DLGAP2: variants seen among roughly 807,000 people sequenced by gnomAD.
DLGAP2 encodes the protein DLG associated protein 2.
A neutral mutation model predicts 100.3 loss-of-function variants in DLGAP2; 26 were observed. That is an observed-to-expected ratio of 0.26 (90% CI 0.19 to 0.36). The LOEUF (loss-of-function observed/expected upper bound fraction) is 0.36, where lower values mean the gene tolerates loss of function less well. Ranked by LOEUF, DLGAP2 falls within the 10% of genes least tolerant of loss-of-function variation. The pLI, the probability that DLGAP2 is intolerant of heterozygous loss-of-function variation, is 1.00. For missense variants in DLGAP2, 1,858 were observed against 1,453.2 expected (o/e 1.28, Z -4.53); for synonymous variants, 886 against 630.1 (o/e 1.41, Z -6.08).
At chr8:1,173,831 TC>T (rs1797187542) in intron 2 of DLGAP2, among the ~76,000 whole-genome samples, 1 of 152,208 alleles carries the variant, frequency 6.6e-6, no homozygotes, top group African/African-American at 2.4e-5. Flanking sequence ...CCATTGCGCT[TC>T]CTGAGTGAGG....
chr8:1,047,743 C>T (rs1802555392), intron 2 of DLGAP2, among the ~76,000 whole-genome samples: 1 of 152,056 alleles, frequency 6.6e-6, no homozygotes, highest in Admixed American at 6.6e-5. Flanking sequence ...TACTCTCATT[C>T]ATGAGGGATC....
chr8:1,439,496 C>G (rs1005252396), intron 3 of DLGAP2, among the ~76,000 whole-genome samples: 9 of 152,172 alleles, frequency 5.9e-5, no homozygotes, highest in Admixed American at 1.3e-4. Context: ...AGGGCTCAGC[C>G]CTGTCATCAG....
intron 4 of DLGAP2, among the ~76,000 whole-genome samples, chr8:1,515,470 A>G (rs1800337488): frequency 6.6e-6 from 1 of 152,106 alleles, no homozygotes; most frequent in Non-Finnish European, 1.5e-5. Context: ...ACAATTGTAG[A>G]CATGCAAAAA....
intron 3 of DLGAP2, among the ~76,000 whole-genome samples, chr8:1,472,046 A>G (rs1236272087): frequency 6.6e-6 from 1 of 152,254 alleles, no homozygotes; most frequent in South Asian, 2.1e-4. Context: ...AGCACCAACA[A>G]GCCCTGGTCT....
chr8:1,515,983 C>A (rs527922764), intron 4 of DLGAP2, among the ~76,000 whole-genome samples: 1 of 151,594 alleles, frequency 6.6e-6, no homozygotes, highest in African/African-American at 2.4e-5. Context: ...GGATGAGTGA[C>A]TGAGTTACTG....
Position 1,565,902 on chromosome 8 carries a change from A to G in DLGAP2, c.1442+8A>G. 2 of 1,586,340 alleles carry G rather than the reference A, an allele frequency of 1.3e-6. No individual in the cohort carries two copies. The highest frequency in any genetic ancestry group is 1.8e-5 in the Admixed American group (1 of 56,296). ...GCTTGGAGAGCACCAGACGTAAGTG[A>G]GACCAGCTGCCTTCCCACTCCAAGC... On this transcript the variant is annotated splice_region_variant and intron_variant, in intron 6 of 14. Coordinates refer to ENST00000637795, the MANE Select transcript of DLGAP2 (RefSeq NM_001346810.2).
chr8:766,362 G>A (rs1231419263), intron 1 of DLGAP2, among the ~76,000 whole-genome samples: 1 of 152,214 alleles, frequency 6.6e-6, no homozygotes, highest in Non-Finnish European at 1.5e-5. Flanking sequence ...CCTCGTGTGT[G>A]TTCAAGTCAC....
chr8:949,664 A>C (rs1034662161), intron 2 of DLGAP2, among the ~76,000 whole-genome samples: 2 of 152,114 alleles, frequency 1.3e-5, no homozygotes, highest in South Asian at 4.1e-4. Context: ...TCTTTCTCCT[A>C]CATGTCCTCG....
At chr8:903,517 C>T (rs557425536) in intron 1 of DLGAP2, among the ~76,000 whole-genome samples, 23 of 152,210 alleles carry the variant, frequency 1.5e-4, no homozygotes, top group Admixed American at 1.1e-3. Flanking sequence ...CAGAATACAG[C>T]AGCTGCCAGT....
chr8:962,552 C>A (rs1799750924), intron 2 of DLGAP2, among the ~76,000 whole-genome samples: 1 of 152,130 alleles, frequency 6.6e-6, no homozygotes, highest in Non-Finnish European at 1.5e-5. Flanking sequence ...CCTGGCCTGA[C>A]CTGTGCTCCC....
intron 3 of DLGAP2, among the ~76,000 whole-genome samples, chr8:1,364,710 G>A (rs192383470): frequency 1.4e-4 from 21 of 152,350 alleles, no homozygotes; most frequent in Admixed American, 3.3e-4. Flanking sequence ...TAAAGCTTGC[G>A]TGGGGGAGAC....
chr8:1,340,001 G>T (rs751816483), intron 3 of DLGAP2, among the ~76,000 whole-genome samples: 1 of 152,150 alleles, frequency 6.6e-6, no homozygotes, highest in African/African-American at 2.4e-5. Context: ...GTTTAGAAAG[G>T]GTTCCTTATT....
chr8:800,955 C>CG (rs879266535), intron 1 of DLGAP2, among the ~76,000 whole-genome samples: 2 of 152,030 alleles, frequency 1.3e-5, no homozygotes, highest in Non-Finnish European at 2.9e-5. Flanking sequence ...TGTGCCCCCC[C>CG]ACCCTTCCTG....
chr8:751,994 C>G (rs1820803182), intron 1 of DLGAP2, among the ~76,000 whole-genome samples: 1 of 151,994 alleles, frequency 6.6e-6, no homozygotes, highest in Non-Finnish European at 1.5e-5. Context: ...CATTTTTTTT[C>G]TCCTTAAAGA....
At chr8:1,108,401 GTGAT>G (rs2129045220) in intron 2 of DLGAP2, among the ~76,000 whole-genome samples, 1 of 152,370 alleles carries the variant, frequency 6.6e-6, no homozygotes, top group East Asian at 1.9e-4. Context: ...AGGGCGGCCT[GTGAT>G]TGAAGCCGTC....
chr8:1,308,035 C>G (rs776096588), intron 3 of DLGAP2, among the ~76,000 whole-genome samples: 9 of 152,012 alleles, frequency 5.9e-5, no homozygotes, highest in Non-Finnish European at 1.0e-4. Flanking sequence ...CAAAAAGAAC[C>G]CATGTACATG....
intron 2 of DLGAP2, among the ~76,000 whole-genome samples, chr8:1,226,981 C>T (rs557442327): frequency 9.5e-4 from 143 of 150,978 alleles, no homozygotes; most frequent in East Asian, 3.5e-3. Context: ...ATAGAATTAC[C>T]CTATGACCCT....
chr8:1,596,091 C>T (rs1446141250), intron 6 of DLGAP2, among the ~76,000 whole-genome samples: 1 of 139,116 alleles, frequency 7.2e-6, no homozygotes, highest in Non-Finnish European at 1.5e-5. Context: ...TCTCATCGTT[C>T]ATCTCCCACT....
intron 2 of DLGAP2, among the ~76,000 whole-genome samples, chr8:1,146,775 C>T (rs1272782657): frequency 6.6e-6 from 1 of 152,222 alleles, no homozygotes; most frequent in African/African-American, 2.4e-5. Context: ...CAAGCCGTCC[C>T]CACTGTCCTG....
Sources: allele counts gnomAD v4.1 joint callset (sites outside exome capture counted in the v4.1 genomes callset), GRCh38; gene constraint gnomAD v4.1.1; transcripts MANE v1.5; gene names NCBI Gene and HGNC (gene_info 2026-07-23, HGNC 2026-07-21).